Variants in PDZD2 observed in about 807,000 individuals in gnomAD.
PDZD2 encodes the protein PDZ domain-containing protein 2.
A neutral mutation model predicts 220.7 loss-of-function variants in PDZD2; 90 were observed. The observed-to-expected ratio is 0.41, with a 90% CI of 0.34 to 0.49. PDZD2 has a LOEUF of 0.49. PDZD2 is among the 20% of genes least tolerant of loss of function. PDZD2 has a pLI of 0.28. For missense variants in PDZD2, 3,174 were observed against 3,608.5 expected, an observed-to-expected ratio of 0.88 and a Z score of 3.08; for synonymous variants, 1,375 against 1,450.5, an observed-to-expected ratio of 0.95 and a Z score of 1.18.
chr5:31,709,885 G>A (rs575172969), intron 1 of PDZD2, among the ~76,000 whole-genome samples: 2 of 152,290 alleles, frequency 1.3e-5, no homozygotes, highest in South Asian at 4.1e-4. Context: ...GAACCTGGGA[G>A]GCAGAGATTG....
intron 2 of PDZD2, among the ~76,000 whole-genome samples, chr5:31,980,569 T>C (rs573465024): frequency 4.7e-4 from 72 of 152,308 alleles, no homozygotes; most frequent in Non-Finnish European, 9.7e-4. Flanking sequence ...CTGCACTGAT[T>C]TGTTGACATC....
Position 31,983,205 on chromosome 5 carries a change from T to C in PDZD2, c.527T>C (p.Leu176Pro), listed in dbSNP as rs762855596. Residue 176 changes from leucine (L) to proline (P), a missense_variant, in exon 3 of 25, where the codon CTG becomes CCG. This residue lies in a region of PDZD2 where 632 missense variants were observed against 708.1 expected (regional missense o/e 0.89). Coordinates refer to ENST00000438447, the MANE Select transcript of PDZD2 (RefSeq NM_178140.4). ...GGCGGCTTTATCTACCTGATCATGC[T>C]GCGTCGCTTTAAGCACAAAGCCCAC... ...WNGGFIYLIM[L>P]RRFKHKAHST... 1 of 1,614,188 alleles carries C rather than the reference T, an allele frequency of 6.2e-7. No homozygotes were observed. Among genetic ancestry groups the C allele is most frequent in the Admixed American group, 1.7e-5 (1 of 60,018 alleles).
At chr5:32,008,353 T>C (rs1252775227) in intron 5 of PDZD2, among the ~76,000 whole-genome samples, 1 of 150,580 alleles carries the variant, frequency 6.6e-6, no homozygotes, top group Non-Finnish European at 1.5e-5. Flanking sequence ...CAGTCTCAGC[T>C]GACTGCAACT....
In PDZD2 at chr5:32,069,552, T is replaced by A; in HGVS notation, c.2452-17T>A. 6.9e-7 allele frequency: 1 copy of A among 1,446,134 alleles called. No homozygotes were observed. The highest frequency in any genetic ancestry group is 9.7e-7 in the Non-Finnish European group (1 of 1,026,602). The allele number at this position is 1,446,134 out of a possible 1,614,324, so 89.6% of individuals were successfully genotyped here. A position where few individuals can be genotyped will look rare whatever the true frequency, so the allele number is the denominator to read the frequency against. ...ATAAATAAAACCATCTAATCTTTGC[T>A]TTCTGCTGAAAATCAGGTTTCCGAG... On this transcript the variant is annotated splice_polypyrimidine_tract_variant and intron_variant, in intron 14 of 24. Coordinates refer to ENST00000438447, the MANE Select transcript of PDZD2 (RefSeq NM_178140.4).
rs561981384 is a variant in PDZD2 at position 31,899,482 on chromosome 5, G to A, written c.477-83673G>A. Among the ~76,000 whole-genome samples the A allele has an allele frequency of 3.9e-5, 6 of 152,248 alleles. No individual in the cohort carries two copies. The South Asian group carries it at 1.2e-3, about 32-fold the overall frequency. On this transcript the variant is annotated intron_variant, in intron 2 of 24. Coordinates refer to ENST00000438447, the MANE Select transcript of PDZD2 (RefSeq NM_178140.4). ...AGCTCTGGACTTCTAGCATTGTCCT[G>A]GAAGGTGAGCTTCCTGCTGACAGCA... is the stretch of plus-strand genomic sequence containing the variant.
At chr5:32,041,650 C>T (rs1383300296) in intron 7 of PDZD2, among the ~76,000 whole-genome samples, 2 of 151,860 alleles carry the variant, frequency 1.3e-5, no homozygotes, top group Non-Finnish European at 2.9e-5. Flanking sequence ...GCAGCATGCT[C>T]GTTAAGAGTC....
At chr5:31,966,163 T>G (rs1748731109) in intron 2 of PDZD2, among the ~76,000 whole-genome samples, 1 of 152,198 alleles carries the variant, frequency 6.6e-6, no homozygotes, top group South Asian at 2.1e-4. Context: ...GTTAATCTCT[T>G]TAAACCTCAG....
intron 13 of PDZD2, 96 bp downstream of exon 13, chr5:32,059,452 G>A: frequency 1.8e-6 from 1 of 570,618 alleles, no homozygotes. Flanking sequence ...TTTGAGGGAT[G>A]TTGAAGCTTT....
intron 1 of PDZD2, among the ~76,000 whole-genome samples, chr5:31,713,688 C>G (rs1036027537): frequency 3.9e-5 from 6 of 152,220 alleles, no homozygotes; most frequent in Non-Finnish European, 1.5e-5. Flanking sequence ...GCTGGGACTA[C>G]AGGCGTGTGC....
intron 1 of PDZD2, among the ~76,000 whole-genome samples, chr5:31,645,552 G>A (rs1745104727): frequency 6.6e-6 from 1 of 152,074 alleles, no homozygotes; most frequent in East Asian, 1.9e-4. Context: ...GGCCAGGATG[G>A]TCTTGATCTC....
chr5:31,849,836 T>C (rs984503423), intron 2 of PDZD2, among the ~76,000 whole-genome samples: 7 of 143,866 alleles, frequency 4.9e-5, no homozygotes, highest in African/African-American at 1.8e-4. Context: ...GGAGTGAGAC[T>C]CCATCTCTCT....
chr5:31,689,336 C>CTT (rs1747008897), intron 1 of PDZD2, among the ~76,000 whole-genome samples: 2 of 55,224 alleles, frequency 3.6e-5, no homozygotes, highest in African/African-American at 2.2e-4. Flanking sequence ...TATACATATA[C>CTT]ATATATATAT....
chr5:31,698,782 G>T (rs1364273874), intron 1 of PDZD2, among the ~76,000 whole-genome samples: 1 of 152,168 alleles, frequency 6.6e-6, no homozygotes, highest in African/African-American at 2.4e-5. Flanking sequence ...GTGGCCCCAA[G>T]GTTACACGAG....
intron 2 of PDZD2, among the ~76,000 whole-genome samples, chr5:31,965,391 C>A (rs529727411): frequency 1.3e-5 from 2 of 152,022 alleles, no homozygotes; most frequent in Non-Finnish European, 2.9e-5. Context: ...CTCACCCTAG[C>A]CTTTTAATAT....
intron 2 of PDZD2, among the ~76,000 whole-genome samples, chr5:31,957,860 A>G (rs1747853835): frequency 6.6e-6 from 1 of 152,186 alleles, no homozygotes; most frequent in Admixed American, 6.5e-5. Context: ...GTTCTGTCCA[A>G]TGTAACTGCT....
intron 1 of PDZD2, among the ~76,000 whole-genome samples, chr5:31,749,564 C>T (rs531748010): frequency 7.9e-5 from 12 of 152,164 alleles, no homozygotes; most frequent in East Asian, 7.8e-4. Context: ...GCTGGGATTA[C>T]GGGCGCCCGC....
chr5:31,777,109 G>A lies in PDZD2; in HGVS notation c.-360-21780G>A, dbSNP rs536674984. On this transcript the variant is annotated intron_variant, in intron 1 of 24. Transcript: ENST00000438447. ...CTTGCTGGGAGGTGTGGAGGGAGAG[G>A]TGCGGCCAGGAACCGGGGCTGTGCA... Among the ~76,000 whole-genome samples the A allele has an allele frequency of 2.6e-5, 4 of 152,304 alleles. No individual in the cohort carries two copies. The East Asian group carries it at 7.7e-4, about 29-fold the overall frequency.
intron 19 of PDZD2, among the ~76,000 whole-genome samples, chr5:32,080,693 G>A (rs1296795739): frequency 6.6e-6 from 1 of 152,118 alleles, no homozygotes; most frequent in African/African-American, 2.4e-5. Flanking sequence ...GTTTTCATCA[G>A]TGTTAGAAAA....
chr5:31,693,330 C>T (rs1305272157), intron 1 of PDZD2, among the ~76,000 whole-genome samples: 1 of 150,884 alleles, frequency 6.6e-6, no homozygotes, highest in East Asian at 2.0e-4. Flanking sequence ...CAACCTCCGC[C>T]TCCCGGATTT....
Sources: gnomAD v4.1 joint callset for allele counts (sites outside exome capture counted in the v4.1 genomes callset) on GRCh38, gnomAD v4.1.1 for gene constraint, gnomAD v4.1.1 regional missense constraint, MANE v1.5 for transcripts, NCBI Gene and HGNC (gene_info 2026-07-23, HGNC 2026-07-21) for gene names.